The following FHIT variants were observed in gnomAD, a reference collection of about 807,000 sequenced individuals.
FHIT encodes the protein fragile histidine triad diadenosine triphosphatase.
FHIT carries 19 observed loss-of-function variants against 17.9 expected under a neutral mutation model. That is an observed-to-expected ratio of 1.06 (90% CI 0.74 to 1.56). The LOEUF (loss-of-function observed/expected upper bound fraction) is 1.56, where lower values mean the gene tolerates loss of function less well. Among genes scored for constraint, FHIT ranks in the 40% most tolerant of loss-of-function variants. The pLI, the probability that FHIT is intolerant of heterozygous loss-of-function variation, is 0.00. For synonymous variants in FHIT, 81 were observed against 69.7 expected (o/e 1.16, Z -0.81); for missense variants, 248 against 189.2 (o/e 1.31, Z -1.82).
At chr3:61,085,254 T>A (rs1365297687) in intron 2 of FHIT, among the ~76,000 whole-genome samples, 1 of 152,174 alleles carries the variant, frequency 6.6e-6, no homozygotes, top group Admixed American at 6.5e-5. Context: ...ACCATTCACA[T>A]TCCTAATAGC....
chr3:59,904,889 A>G (rs1306283285), intron 8 of FHIT, among the ~76,000 whole-genome samples: 2 of 152,232 alleles, frequency 1.3e-5, no homozygotes, highest in African/African-American at 2.4e-5. Context: ...GTCTGCAAAT[A>G]AGTCTAAAGC....
rs1343174152 is a variant in FHIT at position 60,522,373 on chromosome 3, G to T, written c.103+14487C>A. 2.0e-5 allele frequency among the ~76,000 whole-genome samples: 3 copies of T among 152,150 alleles called. No individual in the cohort carries two copies. In the East Asian group the frequency reaches 5.8e-4, roughly 29 times the overall value. On this transcript the variant is annotated intron_variant, in intron 5 of 9. Coordinates refer to ENST00000492590, the MANE Select transcript of FHIT (RefSeq NM_002012.4). ...TGATCACCTGCCTCAGCCTCCCAAA[G>T]TGTTGGGATTACAGGCATGAGTCAC...
chr3:60,024,514 T>C (rs1700664903), intron 5 of FHIT, among the ~76,000 whole-genome samples: 2 of 152,198 alleles, frequency 1.3e-5, no homozygotes, highest in Non-Finnish European at 1.5e-5. Flanking sequence ...TCAGTAAATA[T>C]TTGTGAATTA....
chr3:60,031,521 T>C (rs1317942198), intron 5 of FHIT, among the ~76,000 whole-genome samples: 1 of 152,184 alleles, frequency 6.6e-6, no homozygotes, highest in East Asian at 1.9e-4. Flanking sequence ...TTTTAGCCAT[T>C]TGACTCTGGG....
At chr3:61,013,054 A>G (rs1326548046) in intron 3 of FHIT, among the ~76,000 whole-genome samples, 2 of 152,128 alleles carry the variant, frequency 1.3e-5, no homozygotes, top group East Asian at 3.8e-4. Flanking sequence ...ATATTTAACA[A>G]TTTTTAAATG....
chr3:60,321,346 T>A (rs2106805760), intron 5 of FHIT, among the ~76,000 whole-genome samples: 1 of 152,158 alleles, frequency 6.6e-6, no homozygotes, highest in African/African-American at 2.4e-5. Context: ...CGTGGTGGCA[T>A]ACACCTGTAG....
At chr3:60,731,171 ACAG>A (rs1438484052) in intron 4 of FHIT, among the ~76,000 whole-genome samples, 1 of 152,022 alleles carries the variant, frequency 6.6e-6, no homozygotes, top group Non-Finnish European at 1.5e-5. Flanking sequence ...TAAAAATAAG[ACAG>A]CAGTACGTTA....
At chr3:60,490,935 C>T (rs1281909525) in intron 5 of FHIT, among the ~76,000 whole-genome samples, 1 of 152,132 alleles carries the variant, frequency 6.6e-6, no homozygotes, top group African/African-American at 2.4e-5. Context: ...GATGCTTTGA[C>T]CTTTGTGCTA....
chr3:59,825,053 G>C (rs994594863), intron 8 of FHIT, among the ~76,000 whole-genome samples: 9 of 152,192 alleles, frequency 5.9e-5, no homozygotes, highest in African/African-American at 2.2e-4. Context: ...CAAACATTTT[G>C]TGTGGTTGGG....
At chr3:60,224,892 T>C (rs1313642604) in intron 5 of FHIT, among the ~76,000 whole-genome samples, 1 of 151,998 alleles carries the variant, frequency 6.6e-6, no homozygotes, top group African/African-American at 2.4e-5. Context: ...GGCTAATTTT[T>C]GTATTTTTAG....
chr3:60,390,371 T>C (rs1367050832), intron 5 of FHIT, among the ~76,000 whole-genome samples: 5 of 129,418 alleles, frequency 3.9e-5, no homozygotes, highest in African/African-American at 1.6e-4. Flanking sequence ...TAGATGACAG[T>C]GGTCCCTTAA....
rs574111884 is a variant in FHIT, at chr3:59,747,876, C to G, written c.*1709G>C. Among the ~76,000 whole-genome samples, 1 of 152,242 alleles carries G rather than the reference C, an allele frequency of 6.6e-6. No individual in the cohort carries two copies. Among genetic ancestry groups the G allele is most frequent in the Admixed American group, 6.5e-5 (1 of 15,276 alleles). ...AGCCAGCTTGCTCTGGGTTTAAGAT[C>G]TGGCCTCCACTGCTGTTTCTCCAAA... On this transcript the variant is annotated 3_prime_UTR_variant, in exon 10 of 10. Coordinates refer to ENST00000492590, the MANE Select transcript of FHIT (RefSeq NM_002012.4).
chr3:59,834,408 A>T (rs1279859536), intron 8 of FHIT, among the ~76,000 whole-genome samples: 2 of 152,308 alleles, frequency 1.3e-5, no homozygotes. Context: ...ACATATAGAT[A>T]GATGATAGAG....
In FHIT at chr3:60,592,030, C is replaced by T. The variant is rs797028957; in HGVS notation, c.-17-55051G>A. ...GGTGGGGAAAAAAGAAACAGAAAATCGGATTTCAAAACTACCCTTTAATGA... is the reference window on the plus strand; with the variant it reads ...GGTGGGGAAAAAAGAAACAGAAAATTGGATTTCAAAACTACCCTTTAATGA... On this transcript the variant is annotated intron_variant, in intron 4 of 9. Coordinates refer to ENST00000492590, the MANE Select transcript of FHIT (RefSeq NM_002012.4). Among the ~76,000 whole-genome samples the T allele has an allele frequency of 7.9e-5, 12 of 151,882 alleles. 1 individual carries two copies. The highest frequency in any genetic ancestry group is 2.2e-4 in the African/African-American group (9 of 41,442).
At chr3:59,952,936 G>C (rs1043201132) in intron 7 of FHIT, among the ~76,000 whole-genome samples, 8 of 151,948 alleles carry the variant, frequency 5.3e-5, no homozygotes, top group Admixed American at 3.3e-4. Flanking sequence ...GAGTAGAATG[G>C]TCCACAATCT....
intron 7 of FHIT, among the ~76,000 whole-genome samples, chr3:59,957,950 C>T (rs1053337441): frequency 1.3e-5 from 2 of 152,194 alleles, no homozygotes; most frequent in African/African-American, 2.4e-5. Context: ...ACAGCCTCAT[C>T]GTTTTAATCA....
chr3:60,948,537 A>G (rs1280955965), intron 3 of FHIT, among the ~76,000 whole-genome samples: 1 of 152,210 alleles, frequency 6.6e-6, no homozygotes, highest in Non-Finnish European at 1.5e-5. Flanking sequence ...GCCACTGTCA[A>G]AGACAGCCAT....
At chr3:60,569,792 C>T (rs2037310630) in intron 4 of FHIT, among the ~76,000 whole-genome samples, 1 of 114,706 alleles carries the variant, frequency 8.7e-6, no homozygotes, top group Non-Finnish European at 1.7e-5. Flanking sequence ...GCTATTGTCA[C>T]CCAGGCTGGA....
At chr3:59,818,453 A>C (rs1465533180) in intron 8 of FHIT, among the ~76,000 whole-genome samples, 1 of 152,196 alleles carries the variant, frequency 6.6e-6, no homozygotes, top group Non-Finnish European at 1.5e-5. Context: ...CTTCAAAGGA[A>C]GATGGTGTTT....
Sources: gnomAD v4.1 joint callset for allele counts (sites outside exome capture counted in the v4.1 genomes callset) on GRCh38, gnomAD v4.1.1 for gene constraint, MANE v1.5 for transcripts, NCBI Gene and HGNC (gene_info 2026-07-23, HGNC 2026-07-21) for gene names.